The following INPP5F variants were observed in gnomAD, a reference collection of about 807,000 sequenced individuals.
INPP5F encodes phosphatidylinositide 4-phosphatase SAC2.
Under a neutral mutation model 137.2 loss-of-function variants are expected in INPP5F, and 97 were observed. The observed-to-expected ratio is 0.71, with a 90% confidence interval of 0.60 to 0.84. The LOEUF (loss-of-function observed/expected upper bound fraction) is 0.84. Ranked by LOEUF, INPP5F falls within the 40% of genes least tolerant of loss-of-function variation. INPP5F has a pLI of 0.00. For synonymous variants in INPP5F, 504 were observed against 476.9 expected (o/e 1.06, Z -0.74); for missense variants, 1,271 against 1,371.9 (o/e 0.93, Z 1.16).
At chr10:119,782,437 C>T (rs1356372725) in intron 3 of INPP5F, among the ~76,000 whole-genome samples, 1 of 152,150 alleles carries the variant, frequency 6.6e-6, no homozygotes, top group African/African-American at 2.4e-5. Flanking sequence ...GTCATCACTC[C>T]GATTGTTTTG....
chr10:119,786,235 T>C (rs77868097), intron 3 of INPP5F, among the ~76,000 whole-genome samples: 1 of 152,192 alleles, frequency 6.6e-6, no homozygotes, highest in African/African-American at 2.4e-5. Context: ...CTTGTGGCTG[T>C]GGTGTTGTCT....
intron 1 of INPP5F, among the ~76,000 whole-genome samples, chr10:119,729,989 T>G (rs1291824361): frequency 6.6e-6 from 1 of 152,166 alleles, no homozygotes; most frequent in African/African-American, 2.4e-5. Flanking sequence ...TTGTTTTTTT[T>G]CTGGTGTTTC....
intron 19 of INPP5F, chr10:119,825,995 A>G: frequency 2.5e-6 from 1 of 398,560 alleles, no homozygotes. Context: ...TAATTGTTAA[A>G]TGTCCCAAAT....
chr10:119,751,171 ACTC>A lies in INPP5F; in HGVS notation c.178+18_178+20del, dbSNP rs1406649464. 6.9e-7 allele frequency: 1 copy of A among 1,444,800 alleles called. No individual in the cohort carries two copies. The highest frequency in any genetic ancestry group is 1.7e-5 in the Admixed American group (1 of 59,256). The allele number at this position is 1,444,800 out of a possible 1,614,324, so 89.5% of individuals were successfully genotyped here. A position where few individuals can be genotyped will look rare whatever the true frequency, so the allele number is the denominator to read the frequency against. The stretch of plus-strand genomic sequence containing the variant: ...ACTTCATTCAGGTATGTTTCTATAA[ACTC>A]CTTAAACTTGTCAAATTTATTGTAG... On this transcript the variant is annotated intron_variant, in intron 2 of 19. Transcript: ENST00000650623.
chr10:119,726,127 G>A lies in INPP5F; in HGVS notation c.-136G>A. The A allele has an allele frequency of 2.2e-6, 1 of 446,888 alleles. No homozygotes were observed. Among genetic ancestry groups the A allele is most frequent in the Non-Finnish European group, 3.7e-6 (1 of 271,894 alleles). 27.7% of individuals were successfully genotyped at this position (446,888 alleles called of 1,614,324 possible). ...TCCTACCGGTCGGGTGCCCCGGGGC[G>A]TTCCCTCTGCCGCTGCTTCTCGGCG... On this transcript the variant is annotated 5_prime_UTR_variant, in exon 1 of 20. Transcript: ENST00000650623.
At position 119,827,020 on chromosome 10, in the gene INPP5F, A is replaced by T; in HGVS notation, c.2639A>T (p.Glu880Val). The part of the protein sequence containing the change: ...DEDRQLANSL[E>V]SVGPIDYVLP... ...GACAGGCAGCTAGCTAACTCATTAGAGAGTGTAGGGCCAATAGATTACGTT... is the reference window on the plus strand; with the variant it reads ...GACAGGCAGCTAGCTAACTCATTAGTGAGTGTAGGGCCAATAGATTACGTT... Residue 880 changes from glutamate (E) to valine (V), a missense_variant, in exon 20 of 20, where the codon GAG becomes GTG. Physicochemically the swap from Glu to Val is moderately radical, Grantham distance 121 (BLOSUM62 -2). Around this residue, in one of 6 missense-constraint regions of INPP5F, gnomAD observed 490 missense variants for 443.7 expected, o/e 1.10. Transcript: ENST00000650623. 2 of 1,614,166 alleles carry T rather than the reference A, an allele frequency of 1.2e-6. No individual in the cohort carries two copies. The highest frequency in any genetic ancestry group is 1.1e-5 in the South Asian group (1 of 91,086).
At chr10:119,780,926 C>T (rs538140544) in intron 2 of INPP5F, among the ~76,000 whole-genome samples, 21 of 152,280 alleles carry the variant, frequency 1.4e-4, no homozygotes, top group South Asian at 2.1e-4. Flanking sequence ...TTGGTATCCA[C>T]GGGGGGTCCT....
At chr10:119,820,506 ATTTC>A (rs1260746944) in intron 15 of INPP5F, among the ~76,000 whole-genome samples, 4 of 152,140 alleles carry the variant, frequency 2.6e-5, no homozygotes, top group African/African-American at 7.2e-5. Flanking sequence ...ACTCTCACGT[ATTTC>A]TTTCTTCTTC....
chr10:119,754,491 A>C (rs757297456), intron 2 of INPP5F, among the ~76,000 whole-genome samples: 2 of 152,190 alleles, frequency 1.3e-5, no homozygotes, highest in Non-Finnish European at 2.9e-5. Flanking sequence ...ATTTTGAAAG[A>C]AGGGAGAGGT....
chr10:119,802,969 G>A (rs1850644123), intron 9 of INPP5F, among the ~76,000 whole-genome samples: 1 of 152,118 alleles, frequency 6.6e-6, no homozygotes, highest in South Asian at 2.1e-4. Flanking sequence ...TCTCTTCATT[G>A]AGTATAGGTT....
In INPP5F at chr10:119,826,730, T is replaced by C. The variant is rs1330217930; in HGVS notation, c.2349T>C (p.Ser783=). 1 of 1,613,504 alleles carries C rather than the reference T, an allele frequency of 6.2e-7. No individual in the cohort carries two copies. The highest frequency in any genetic ancestry group is 8.5e-7 in the Non-Finnish European group (1 of 1,179,818). ...ATTTTTTAATGAGCAAATTTTCATC[T>C]CTAAATCAAAAAGTGAAGCAGACCA... ...GKNFLMSKFS[S]LNQKVKQTKS... The change falls in exon 20 of 20, where the codon TCT becomes TCC. Residue 783 remains serine (S), a synonymous_variant. Coordinates refer to ENST00000650623, the MANE Select transcript of INPP5F (RefSeq NM_014937.4).
At chr10:119,742,113 T>TG (rs1350547133) in intron 1 of INPP5F, among the ~76,000 whole-genome samples, 1 of 152,004 alleles carries the variant, frequency 6.6e-6, no homozygotes, top group Non-Finnish European at 1.5e-5. Flanking sequence ...ATAGAGCCAC[T>TG]GCGCCCGGCC....
At chr10:119,804,084 A>G in intron 9 of INPP5F, 89 bp from the exon 10 acceptor site, 1 of 905,330 alleles carries the variant, frequency 1.1e-6, no homozygotes, top group Non-Finnish European at 1.6e-6. Flanking sequence ...ATTAAAAACC[A>G]CACTGTGATT....
chr10:119,820,803 A>T, intron 15 of INPP5F, 43 bp from the exon 16 acceptor site: 1 of 1,484,244 alleles, frequency 6.7e-7, no homozygotes, highest in Non-Finnish European at 9.4e-7. Context: ...AAAAATGCAG[A>T]TGGAAATGAA....
intron 3 of INPP5F, among the ~76,000 whole-genome samples, chr10:119,784,196 T>C (rs1849800374): frequency 6.6e-6 from 1 of 152,230 alleles, no homozygotes; most frequent in Non-Finnish European, 1.5e-5. Context: ...TTAATCCTTT[T>C]TAAATTGTTT....
At chr10:119,797,733 C>A in intron 8 of INPP5F, 93 bp downstream of exon 8, 1 of 872,600 alleles carries the variant, frequency 1.1e-6, no homozygotes, top group Non-Finnish European at 1.6e-6. Flanking sequence ...ATTTGCTTTG[C>A]CAGATACTTC....
rs1393955708 is a variant in INPP5F at position 119,770,082 on chromosome 10, T to G, written c.179-11553T>G. 2.6e-5 allele frequency among the ~76,000 whole-genome samples: 4 copies of G among 152,192 alleles called. No individual in the cohort carries two copies. The East Asian group carries it at 7.7e-4, about 29-fold the overall frequency. On this transcript the variant is annotated intron_variant, in intron 2 of 19. Coordinates refer to ENST00000650623, the MANE Select transcript of INPP5F (RefSeq NM_014937.4). ...TTGAATCTTTTCCAGGACTATTGTTTTAGCTTGCCCTACTGGTCATGCTTT... is the reference window on the plus strand; with the variant it reads ...TTGAATCTTTTCCAGGACTATTGTTGTAGCTTGCCCTACTGGTCATGCTTT...
chr10:119,737,902 T>C (rs1235268131), intron 1 of INPP5F, among the ~76,000 whole-genome samples: 1 of 152,210 alleles, frequency 6.6e-6, no homozygotes, highest in Non-Finnish European at 1.5e-5. Flanking sequence ...TGATACCTTT[T>C]TTTTTTCTTT....
chr10:119,788,690 G>A (rs540303730), intron 3 of INPP5F, among the ~76,000 whole-genome samples: 1 of 152,220 alleles, frequency 6.6e-6, no homozygotes, highest in East Asian at 1.9e-4. Flanking sequence ...ATTCTCACTT[G>A]TGTAAACATG....
Sources: allele counts gnomAD v4.1 joint callset (sites outside exome capture counted in the v4.1 genomes callset), GRCh38; gene constraint gnomAD v4.1.1; regional missense constraint gnomAD v4.1.1; transcripts MANE v1.5; gene names NCBI Gene and HGNC (gene_info 2026-07-23, HGNC 2026-07-21).